ITGB6: variants seen among roughly 807,000 people sequenced by gnomAD.
ITGB6 encodes the protein integrin beta-6.
Under a neutral mutation model 84.5 loss-of-function variants are expected in ITGB6, and 80 were observed. The observed-to-expected ratio is 0.95, with a 90% CI of 0.79 to 1.14. ITGB6 has a LOEUF of 1.14. Ranked by LOEUF, ITGB6 falls within the 50% of genes most tolerant of loss-of-function variation. ITGB6 has a pLI of 0.00. For missense variants in ITGB6, 1,006 were observed against 968.0 expected (o/e 1.04, Z -0.52); for synonymous variants, 383 against 354.9 (o/e 1.08, Z -0.89).
At chr2:160,191,340 G>A (rs752799561) in intron 4 of ITGB6, among the ~76,000 whole-genome samples, 13 of 152,142 alleles carry the variant, frequency 8.5e-5, no homozygotes, top group Non-Finnish European at 1.8e-4. Context: ...TGGAGGGGCA[G>A]CTAGCAATGT....
At chr2:160,132,320 C>T (rs1006031511) in intron 10 of ITGB6, among the ~76,000 whole-genome samples, 4 of 152,078 alleles carry the variant, frequency 2.6e-5, no homozygotes, top group African/African-American at 9.7e-5. Flanking sequence ...AAATTTTTCA[C>T]TCTCTGGAGG....
intron 3 of ITGB6, among the ~76,000 whole-genome samples, chr2:160,195,980 T>C (rs2105898395): frequency 6.6e-6 from 1 of 152,296 alleles, no homozygotes; most frequent in African/African-American, 2.4e-5. Flanking sequence ...TTAACAACAT[T>C]TGAATAATTT....
chr2:160,181,465 T>C (rs2105880830), intron 4 of ITGB6, among the ~76,000 whole-genome samples: 1 of 152,316 alleles, frequency 6.6e-6, no homozygotes, highest in South Asian at 2.1e-4. Flanking sequence ...AGGAAATCTT[T>C]GAAAGAAAGG....
intron 7 of ITGB6, among the ~76,000 whole-genome samples, chr2:160,156,472 G>A (rs1406781320): frequency 2.0e-5 from 3 of 152,082 alleles, no homozygotes; most frequent in Non-Finnish European, 2.9e-5. Context: ...TTATAGCCTC[G>A]GGATAGTGGC....
chr2:160,188,770 A>AT (rs1246994963), intron 4 of ITGB6, among the ~76,000 whole-genome samples: 2 of 151,584 alleles, frequency 1.3e-5, no homozygotes, highest in Non-Finnish European at 2.9e-5. Flanking sequence ...TGCCTGGCTA[A>AT]TTTTTTTGTA....
intron 2 of ITGB6, among the ~76,000 whole-genome samples, chr2:160,197,466 G>A (rs971911883): frequency 2.0e-5 from 3 of 152,176 alleles, no homozygotes; most frequent in African/African-American, 4.8e-5. Context: ...CCTGATAGGC[G>A]TGGCTGCTTT....
intron 7 of ITGB6, among the ~76,000 whole-genome samples, chr2:160,144,562 G>T (rs1281538563): frequency 2.0e-5 from 3 of 152,190 alleles, no homozygotes; most frequent in African/African-American, 7.2e-5. Context: ...AACCTTTCGC[G>T]CTTGACAAAG....
At chr2:160,134,640 G>A (rs1467177176) in intron 10 of ITGB6, among the ~76,000 whole-genome samples, 4 of 152,114 alleles carry the variant, frequency 2.6e-5, no homozygotes, top group Non-Finnish European at 5.9e-5. Context: ...GATGAACATC[G>A]GTGCAAAAAT....
intron 2 of ITGB6, among the ~76,000 whole-genome samples, chr2:160,198,903 C>T (rs1686444929): frequency 6.6e-6 from 1 of 152,094 alleles, no homozygotes; most frequent in Non-Finnish European, 1.5e-5. Context: ...GTAGAAATGG[C>T]TTTACAATAA....
intron 7 of ITGB6, among the ~76,000 whole-genome samples, chr2:160,160,369 T>G (rs1025676168): frequency 2.0e-5 from 3 of 152,204 alleles, no homozygotes; most frequent in African/African-American, 7.2e-5. Context: ...TAACTGGATC[T>G]CCTGGATTTT....
chr2:160,138,033 T>A, intron 9 of ITGB6, 32 bp downstream of exon 9: 1 of 1,589,692 alleles, frequency 6.3e-7, no homozygotes. Flanking sequence ...ATCCAGGTAT[T>A]TATTCAGACT....
At position 160,099,749 on chromosome 2, in the gene ITGB6, T is replaced by C. The variant is rs1696644322; in HGVS notation, c.*1987A>G. On this transcript the variant is annotated 3_prime_UTR_variant, in exon 15 of 15. Transcript: ENST00000283249. ...ACACGACAAAACCATTTTATCTTCA[T>C]GTAACATAACTCTTCAGTGAACAGA... is the stretch of plus-strand genomic sequence containing the variant. 6.6e-6 allele frequency: 1 copy of C among 152,248 alleles called. No individual in the cohort carries two copies. Among genetic ancestry groups the C allele is most frequent in the Non-Finnish European group, 1.5e-5 (1 of 68,042 alleles). The allele number at this position is 152,248 out of a possible 1,614,324, so 9.4% of individuals were successfully genotyped here. A position where few individuals can be genotyped will look rare whatever the true frequency, so the allele number is the denominator to read the frequency against.
intron 13 of ITGB6, among the ~76,000 whole-genome samples, chr2:160,110,988 T>A (rs1007618801): frequency 6.6e-6 from 1 of 152,200 alleles, no homozygotes. Context: ...AGCATGGGGA[T>A]AATAACACGC....
chr2:160,196,541 T>C, intron 2 of ITGB6, 121 bp from the exon 3 acceptor site: 1 of 745,630 alleles, frequency 1.3e-6, no homozygotes, highest in African/African-American at 1.8e-5. Flanking sequence ...TGCCATATTG[T>C]ATCCCTACAT....
rs201700153 is a variant in ITGB6 at position 160,195,566 on chromosome 2, C to G, written c.396G>C (p.Pro132=). 5.0e-6 allele frequency: 8 copies of G among 1,613,968 alleles called. 1 individual carries two copies. In the East Asian group the frequency reaches 1.8e-4, roughly 36 times the overall value. ...GGTCCATGAGGTAATACAAATCCACCGGGTAGTCCTCAGTCTGGCGGACAT... is the reference window on the plus strand; with the variant it reads ...GGTCCATGAGGTAATACAAATCCACGGGGTAGTCCTCAGTCTGGCGGACAT... ...QVHVRQTEDY[P]VDLYYLMDLS... is the part of the protein sequence containing the mutation. Residue 132 remains proline, a synonymous_variant, in exon 4 of 15, where the codon CCG becomes CCC. Transcript: ENST00000283249.
At chr2:160,144,265 G>A (rs562682851) in intron 7 of ITGB6, among the ~76,000 whole-genome samples, 1 of 152,232 alleles carries the variant, frequency 6.6e-6, no homozygotes, top group Admixed American at 6.5e-5. Flanking sequence ...TTATTGAGGG[G>A]GCTGTGGGCA....
intron 4 of ITGB6, among the ~76,000 whole-genome samples, 198 bp from the exon 5 acceptor site, chr2:160,174,337 A>C (rs1409506811): frequency 1.3e-5 from 2 of 152,174 alleles, no homozygotes; most frequent in Non-Finnish European, 2.9e-5. Context: ...ATATTCGCTG[A>C]CACTTATTTA....
At chr2:160,191,086 G>A (rs911956807) in intron 4 of ITGB6, among the ~76,000 whole-genome samples, 1 of 152,110 alleles carries the variant, frequency 6.6e-6, no homozygotes, top group African/African-American at 2.4e-5. Context: ...GGGGCCAAAA[G>A]CATTAGCAAT....
rs1696698834 is a variant in ITGB6 at position 160,101,041 on chromosome 2, A to C, written c.*695T>G. ...ATATCGTTTTTCAGGTAATTTAAAAATAAGCTATATGATAGGGTTGTTATC... is the reference window on the plus strand; with the variant it reads ...ATATCGTTTTTCAGGTAATTTAAAACTAAGCTATATGATAGGGTTGTTATC... On this transcript the variant is annotated 3_prime_UTR_variant, in exon 15 of 15. Transcript: ENST00000283249. 1 of 152,224 alleles carries C rather than the reference A, an allele frequency of 6.6e-6. No individual in the cohort carries two copies. Among genetic ancestry groups the C allele is most frequent in the Admixed American group, 6.5e-5 (1 of 15,280 alleles). The allele number at this position is 152,224 out of a possible 1,614,324, so 9.4% of individuals were successfully genotyped here. A position where few individuals can be genotyped will look rare whatever the true frequency, so the allele number is the denominator to read the frequency against.
Sources: allele counts gnomAD v4.1 joint callset (sites outside exome capture counted in the v4.1 genomes callset), GRCh38; gene constraint gnomAD v4.1.1; transcripts MANE v1.5; gene names NCBI Gene and HGNC (gene_info 2026-07-23, HGNC 2026-07-21).